Variants in PTPN3 observed in about 807,000 individuals in gnomAD.
PTPN3 encodes protein tyrosine phosphatase non-receptor type 3, also known as tyrosine-protein phosphatase non-receptor type 3.
Under a neutral mutation model 132.7 loss-of-function variants are expected in PTPN3, and 96 were observed. That is an observed-to-expected ratio of 0.72 (90% confidence interval 0.61 to 0.86). The LOEUF (loss-of-function observed/expected upper bound fraction) is 0.86, where lower values mean the gene tolerates loss of function less well. PTPN3 is among the 40% of genes least tolerant of loss of function. The pLI, the probability that PTPN3 is intolerant of heterozygous loss-of-function variation, is 0.00. For missense variants in PTPN3, 1,125 were observed against 1,159.6 expected (o/e 0.97, Z 0.43); for synonymous variants, 398 against 429.0 (o/e 0.93, Z 0.89).
intron 1 of PTPN3, among the ~76,000 whole-genome samples, chr9:109,466,676 T>G (rs552461445): frequency 8.4e-4 from 128 of 152,300 alleles, no homozygotes; most frequent in African/African-American, 3.0e-3. Context: ...AAGCTGCTGC[T>G]GCCAGGGTCC....
the PTPN3 span, among the ~76,000 whole-genome samples, chr9:109,529,455 C>G: frequency 6.6e-6 from 1 of 152,030 alleles, no homozygotes; most frequent in Admixed American, 6.5e-5. Context: ...CCTGGAAAAT[C>G]ACTCCTCCTC....
chr9:109,438,018 G>A, intron 8 of PTPN3, 96 bp downstream of exon 8: 1 of 1,376,418 alleles, frequency 7.3e-7, no homozygotes, highest in Non-Finnish European at 9.7e-7. Flanking sequence ...GAGGATTCAT[G>A]CACAAAAGAA....
chr9:109,529,039 G>C, the PTPN3 span, among the ~76,000 whole-genome samples: 1 of 152,220 alleles, frequency 6.6e-6, no homozygotes, highest in East Asian at 1.9e-4. Context: ...TCCCATCATC[G>C]TGGGGGAAGG....
intron 17 of PTPN3, among the ~76,000 whole-genome samples, chr9:109,407,656 T>C (rs1841679024): frequency 6.6e-6 from 1 of 152,188 alleles, no homozygotes; most frequent in Admixed American, 6.5e-5. Flanking sequence ...GGAATTCTCC[T>C]GCCTCAGCCT....
chr9:109,422,692 C>A (rs200163780), intron 13 of PTPN3, 26 bp downstream of exon 13: 1,156 of 1,442,328 alleles, frequency 8.0e-4, no homozygotes, highest in African/African-American at 3.3e-3. Context: ...TTGGGTAGTA[C>A]AAAAAAAAAA....
chr9:109,488,038 C>A (rs1280845656), intron 1 of PTPN3, among the ~76,000 whole-genome samples: 1 of 151,950 alleles, frequency 6.6e-6, no homozygotes, highest in Non-Finnish European at 1.5e-5. Flanking sequence ...TAAAAAGTGA[C>A]CCCAAACGAA....
intron 1 of PTPN3, among the ~76,000 whole-genome samples, chr9:109,490,837 C>T (rs577207595): frequency 2.8e-4 from 40 of 143,774 alleles, no homozygotes; most frequent in African/African-American, 7.9e-4. Flanking sequence ...GACAACCGTA[C>T]GCAACCCATT....
intron 13 of PTPN3, 72 bp downstream of exon 13, chr9:109,422,646 G>A: frequency 6.9e-7 from 1 of 1,459,378 alleles, no homozygotes; most frequent in Non-Finnish European, 9.3e-7. Context: ...TTTATAAGTT[G>A]AGTTTTTATT....
At chr9:109,492,558 A>C (rs899680102) in intron 1 of PTPN3, among the ~76,000 whole-genome samples, 6 of 152,308 alleles carry the variant, frequency 3.9e-5, no homozygotes, top group African/African-American at 1.4e-4. Flanking sequence ...TTTCCACATT[A>C]GCTCATTGAC....
intron 1 of PTPN3, among the ~76,000 whole-genome samples, chr9:109,491,474 A>G (rs1199900498): frequency 1.3e-5 from 2 of 152,102 alleles, no homozygotes; most frequent in African/African-American, 4.8e-5. Flanking sequence ...TATTCTTACA[A>G]CCTTCCTATG....
chr9:109,499,034 A>T (rs1847807802), upstream of PTPN3, among the ~76,000 whole-genome samples: 1 of 151,676 alleles, frequency 6.6e-6, no homozygotes, highest in Admixed American at 6.6e-5. Context: ...TTTAACAGTG[A>T]TTTATCCATT....
rs1325784415 is a variant in PTPN3 at position 109,377,239 on chromosome 9, GA to G, written c.*2316del. The G allele has an allele frequency of 6.6e-6, 1 of 152,046 alleles. No homozygotes were observed. The highest frequency in any genetic ancestry group is 2.4e-5 in the African/African-American group (1 of 41,392). The allele number at this position is 152,046 out of a possible 1,614,324, so 9.4% of individuals were successfully genotyped here. Reference sequence around the variant, plus strand: ...TTGTGCTCTTGTTCTCTCTCTTCTAGAAGAGCATTTTCTATTTTCCTCTCAT... The same window carrying G: ...TTGTGCTCTTGTTCTCTCTCTTCTAGAGAGCATTTTCTATTTTCCTCTCAT... On this transcript the variant is annotated 3_prime_UTR_variant, in exon 26 of 26. Coordinates refer to ENST00000374541, the MANE Select transcript of PTPN3 (RefSeq NM_002829.4).
At chr9:109,385,721 G>C (rs1247557694) in intron 22 of PTPN3, among the ~76,000 whole-genome samples, 2 of 152,220 alleles carry the variant, frequency 1.3e-5, no homozygotes, top group Non-Finnish European at 2.9e-5. Flanking sequence ...AAGCACTTCT[G>C]GAGAAGTTGT....
the PTPN3 span, among the ~76,000 whole-genome samples, chr9:109,521,451 C>T: frequency 3.3e-5 from 5 of 152,140 alleles, no homozygotes; most frequent in East Asian, 1.9e-4. Flanking sequence ...TGAGCCACCA[C>T]GCCTGGCCTT....
At chr9:109,495,322 A>G (rs1847626209) in intron 1 of PTPN3, among the ~76,000 whole-genome samples, 1 of 152,152 alleles carries the variant, frequency 6.6e-6, no homozygotes, top group South Asian at 2.1e-4. Flanking sequence ...TCCTGGGAAA[A>G]GATGTAGGGA....
Position 109,422,708 on chromosome 9 carries a change from GA to G in PTPN3, c.1136+9del. ...TGGGTAGTACAAAAAAAAAAAAAAG[GA>G]GGACATACCAGTTGGGAGTAATGGG... On this transcript the variant is annotated intron_variant, in intron 13 of 25. Transcript: ENST00000374541. 1 of 1,565,594 alleles carries G rather than the reference GA, an allele frequency of 6.4e-7. No homozygotes were observed. The highest frequency in any genetic ancestry group is 8.6e-7 in the Non-Finnish European group (1 of 1,157,268).
intron 11 of PTPN3, among the ~76,000 whole-genome samples, chr9:109,428,357 C>T (rs551710755): frequency 6.6e-6 from 1 of 152,336 alleles, no homozygotes; most frequent in South Asian, 2.1e-4. Context: ...CTGGATCCTC[C>T]AGACTCTGGC....
At chr9:109,399,318 T>C (rs911803533) in intron 19 of PTPN3, among the ~76,000 whole-genome samples, 2 of 152,216 alleles carry the variant, frequency 1.3e-5, no homozygotes, top group Non-Finnish European at 2.9e-5. Flanking sequence ...TGAGCAACTA[T>C]GCCTAGCCTA....
intron 16 of PTPN3, 50 bp from the exon 17 acceptor site, chr9:109,408,427 A>AACAC (rs1441919032): frequency 4.3e-6 from 6 of 1,400,692 alleles, no homozygotes; most frequent in African/African-American, 1.4e-5. Flanking sequence ...AAGTTAAACA[A>AACAC]ACAAACAAAC....
Sources: allele counts gnomAD v4.1 joint callset (sites outside exome capture counted in the v4.1 genomes callset), GRCh38; gene constraint gnomAD v4.1.1; transcripts MANE v1.5; gene names NCBI Gene and HGNC (gene_info 2026-07-23, HGNC 2026-07-21).